CADPS: variants seen among roughly 807,000 people sequenced by gnomAD.
CADPS encodes calcium dependent secretion activator.
Under a neutral mutation model 167.3 loss-of-function variants are expected in CADPS, and 57 were observed. The ratio of observed to expected loss-of-function variants is 0.34; its 90% CI spans 0.28 to 0.42. The LOEUF (loss-of-function observed/expected upper bound fraction) is 0.42. Among genes scored for constraint, CADPS ranks in the 20% least tolerant of loss-of-function variants. The pLI is 1.00. For synonymous variants in CADPS, 676 were observed against 635.3 expected, an observed-to-expected ratio of 1.06 and a Z score of -0.96; for missense variants, 1,414 against 1,738.1, an observed-to-expected ratio of 0.81 and a Z score of 3.32.
rs775085902 is a variant in CADPS at position 62,493,647 on chromosome 3, C to T, written c.2725G>A (p.Glu909Lys). 1.3e-6 allele frequency: 2 copies of T among 1,555,546 alleles called. No homozygotes were observed. Among genetic ancestry groups the T allele is most frequent in the South Asian group, 2.4e-5 (2 of 84,428 alleles). Residue 909 changes from glutamate (E) to lysine (K), a missense_variant and splice_region_variant, in exon 19 of 30, where the codon GAA (glutamate) becomes AAA (lysine). Around this residue, in one of 6 missense-constraint regions of CADPS, gnomAD observed 529 missense variants for 629.6 expected, o/e 0.84. Coordinates refer to ENST00000383710, the MANE Select transcript of CADPS (RefSeq NM_003716.4). ...HHAEPHVDKG[E>K]AFAWWSDLMV... Reference sequence around the variant, plus strand: ...TCACGAGATTTCACTTTACTTACTTCTCCTTTATCAACATGTGGCTGGTTT... The same window carrying T: ...TCACGAGATTTCACTTTACTTACTTTTCCTTTATCAACATGTGGCTGGTTT...
chr3:62,747,083 T>C (rs1208725980), intron 3 of CADPS, among the ~76,000 whole-genome samples: 1 of 152,212 alleles, frequency 6.6e-6, no homozygotes, highest in Non-Finnish European at 1.5e-5. Flanking sequence ...TAAGAAAGTT[T>C]AGGCTGTATC....
rs948817878 is a variant in CADPS, at chr3:62,625,655, T to G, written c.1325+20067A>C. 2.0e-5 allele frequency: 3 copies of G among 150,802 alleles called. 1 individual carries two copies. Among genetic ancestry groups the G allele is most frequent in the African/African-American group, 7.5e-5 (3 of 40,174 alleles). 9.3% of individuals were successfully genotyped at this position (150,802 alleles called of 1,614,324 possible). On this transcript the variant is annotated intron_variant, in intron 6 of 29. Transcript: ENST00000383710. ...CCTTTTATACCTCCTTTTTAGAACC[T>G]ACGTTCCCTACACAGTACAGCACTT...
At chr3:62,541,657 G>A (rs984654713) in intron 11 of CADPS, among the ~76,000 whole-genome samples, 1 of 152,146 alleles carries the variant, frequency 6.6e-6, no homozygotes, top group African/African-American at 2.4e-5. Context: ...ATACTATTAT[G>A]TGGGTTTTAT....
chr3:62,672,206 T>TC (rs869089246), intron 3 of CADPS, among the ~76,000 whole-genome samples: 1 of 13,216 alleles, frequency 7.6e-5, no homozygotes, highest in South Asian at 3.0e-3. Flanking sequence ...AAACACAGAG[T>TC]CCGGGCCTCA....
At chr3:62,557,365 G>T in intron 10 of CADPS, 40 bp downstream of exon 10, 3 of 1,367,662 alleles carry the variant, frequency 2.2e-6, no homozygotes, top group Non-Finnish European at 3.1e-6. Flanking sequence ...TGGGAAGGTT[G>T]AGGGTTTGTG....
Position 62,399,357 on chromosome 3 carries a change from A to G in CADPS, c.*49T>C, listed in dbSNP as rs1416688780. 1.3e-6 allele frequency: 2 copies of G among 1,570,506 alleles called. No individual in the cohort carries two copies. Among genetic ancestry groups the G allele is most frequent in the Non-Finnish European group, 8.8e-7 (1 of 1,141,946 alleles). On this transcript the variant is annotated 3_prime_UTR_variant, in exon 30 of 30. Coordinates refer to ENST00000383710, the MANE Select transcript of CADPS (RefSeq NM_003716.4). This position sits in a 1 kb window ranked among gnomAD's most constrained non-coding sequence, Gnocchi z 5.6. ...TGGGTTTAACTAACAGACTAAGGAC[A>G]TGCACTGATTACAGGACTCTGTCCC...
In CADPS at chr3:62,575,791, T is replaced by C. The variant is rs79542335; in HGVS notation, c.1578-4853A>G. 4.4e-3 allele frequency among the ~76,000 whole-genome samples: 671 copies of C among 152,328 alleles called. 10 individuals carry two copies. Among genetic ancestry groups the C allele is most frequent in the African/African-American group, 0.015 (641 of 41,564 alleles). On this transcript the variant is annotated intron_variant, in intron 8 of 29. Coordinates refer to ENST00000383710, the MANE Select transcript of CADPS (RefSeq NM_003716.4). ...CACGATTCTAATTGAACAGAGGGGA[T>C]TTCTGGTTAAAGGCTTCCGAATGGG...
chr3:62,616,254 C>T (rs1157294071), intron 6 of CADPS, among the ~76,000 whole-genome samples: 1 of 152,152 alleles, frequency 6.6e-6, no homozygotes, highest in Non-Finnish European at 1.5e-5. Context: ...AAAAATTTGA[C>T]ATGTGTCCAA....
intron 8 of CADPS, among the ~76,000 whole-genome samples, chr3:62,571,925 T>C (rs972295722): frequency 5.9e-5 from 9 of 152,312 alleles, no homozygotes; most frequent in Non-Finnish European, 7.3e-5. Flanking sequence ...TTGTTACATA[T>C]TGAACTGGCA....
chr3:62,733,265 A>G (rs1472766028), intron 3 of CADPS, among the ~76,000 whole-genome samples: 1 of 152,256 alleles, frequency 6.6e-6, no homozygotes, highest in Non-Finnish European at 1.5e-5. Context: ...TGATGGAATC[A>G]AATTAGCAAC....
At chr3:62,801,234 T>C (rs1286013065) in intron 1 of CADPS, among the ~76,000 whole-genome samples, 1 of 152,190 alleles carries the variant, frequency 6.6e-6, no homozygotes, top group Non-Finnish European at 1.5e-5. Flanking sequence ...ACTCCATAAA[T>C]GCCATTGATG....
chr3:62,640,996 G>A (rs1010691462), intron 6 of CADPS, among the ~76,000 whole-genome samples: 19 of 151,310 alleles, frequency 1.3e-4, no homozygotes, highest in Middle Eastern at 3.4e-3. Flanking sequence ...TGCCATTTCC[G>A]TATACCAAGA....
intron 1 of CADPS, among the ~76,000 whole-genome samples, chr3:62,826,604 C>A (rs1486091266): frequency 6.6e-6 from 1 of 152,098 alleles, no homozygotes; most frequent in Non-Finnish European, 1.5e-5. Context: ...TAAATATCAT[C>A]CTTGATGGGT....
Position 62,399,533 on chromosome 3 carries a change from C to T in CADPS, c.3935G>A (p.Ser1312Asn). 1.2e-6 allele frequency: 2 copies of T among 1,614,096 alleles called. No individual in the cohort carries two copies. The highest frequency in any genetic ancestry group is 1.7e-6 in the Non-Finnish European group (2 of 1,179,986). The change falls in exon 30 of 30, where the codon AGC becomes AAC. Residue 1312 changes from serine to asparagine, a missense_variant. Ser to Asn is a conservative substitution (Grantham distance 46, BLOSUM62 1). Around this residue, in one of 6 missense-constraint regions of CADPS, gnomAD observed 185 missense variants for 251.5 expected, o/e 0.74. Coordinates refer to ENST00000383710, the MANE Select transcript of CADPS (RefSeq NM_003716.4). The surrounding 1 kb of genome is among the most constrained non-coding windows in gnomAD (Gnocchi z 5.6). ...LQGVLDSTLNSKTYETIRNRL... is the reference protein window; with the variant it reads ...LQGVLDSTLNNKTYETIRNRL... Reference sequence around the variant, plus strand: ...GTTCCGGATCGTTTCATAGGTCTTGCTGTTTAAGGTGGAGTCCAGGACCCC... The same window carrying T: ...GTTCCGGATCGTTTCATAGGTCTTGTTGTTTAAGGTGGAGTCCAGGACCCC...
intron 6 of CADPS, among the ~76,000 whole-genome samples, chr3:62,605,991 C>A (rs1461690512): frequency 3.9e-5 from 6 of 151,996 alleles, no homozygotes; most frequent in African/African-American, 1.5e-4. Context: ...GGCAAAAGGA[C>A]TTGTTCTCAT....
intron 17 of CADPS, among the ~76,000 whole-genome samples, chr3:62,510,094 A>C (rs77522611): frequency 0.012 from 1,782 of 151,810 alleles, 45 homozygotes; most frequent in African/African-American, 0.038. Context: ...CTCCCCACCT[A>C]CCCATCATTC....
intron 22 of CADPS, among the ~76,000 whole-genome samples, chr3:62,479,316 G>A (rs912930808): frequency 6.6e-6 from 1 of 152,172 alleles, no homozygotes; most frequent in South Asian, 2.1e-4. Flanking sequence ...CTGGCTGGCT[G>A]TCTTTTTTGT....
intron 26 of CADPS, among the ~76,000 whole-genome samples, chr3:62,459,931 T>C (rs1021577090): frequency 6.6e-6 from 1 of 152,214 alleles, no homozygotes; most frequent in Admixed American, 6.5e-5. Context: ...GAGTAAAATC[T>C]TTATAAATTA....
intron 17 of CADPS, among the ~76,000 whole-genome samples, chr3:62,508,144 C>CAA (rs1444286158): frequency 2.0e-5 from 3 of 152,098 alleles, no homozygotes; most frequent in African/African-American, 7.2e-5. Context: ...CATCAAATGT[C>CAA]CTACTGGAAG....
Sources: allele counts gnomAD v4.1 joint callset (sites outside exome capture counted in the v4.1 genomes callset), GRCh38; gene constraint gnomAD v4.1.1; regional missense constraint gnomAD v4.1.1; non-coding constraint Gnocchi (gnomAD v3.1); transcripts MANE v1.5; gene names NCBI Gene and HGNC (gene_info 2026-07-23, HGNC 2026-07-21).